The following GALNT2 variants were observed in gnomAD, a reference collection of about 807,000 sequenced individuals.
The protein encoded by GALNT2 is UDP-GalNAc:polypeptide N-acetylgalactosaminyltransferase 2.
Under a neutral mutation model 81.4 loss-of-function variants are expected in GALNT2, and 31 were observed. The observed-to-expected ratio is 0.38, with a 90% CI of 0.29 to 0.51. The LOEUF is 0.51. Ranked by LOEUF, GALNT2 falls within the 20% of genes least tolerant of loss-of-function variation. The pLI is 0.87. For synonymous variants in GALNT2, 303 were observed against 287.4 expected (o/e 1.05, Z -0.55); for missense variants, 629 against 765.7 (o/e 0.82, Z 2.11).
chr1:230,076,656 G>A (rs1469907198), intron 1 of GALNT2, among the ~76,000 whole-genome samples: 3 of 152,270 alleles, frequency 2.0e-5, no homozygotes, highest in Middle Eastern at 6.8e-3. Flanking sequence ...GTTGTGGCTG[G>A]TCCTGGTTCT....
Position 230,274,578 on chromosome 1 carries a change from G to T in GALNT2, c.1560+14G>T. The T allele has an allele frequency of 1.2e-6, 2 of 1,613,192 alleles. No homozygotes were observed. The highest frequency in any genetic ancestry group is 1.7e-6 in the Non-Finnish European group (2 of 1,179,620). On this transcript the variant is annotated intron_variant, in intron 15 of 15. Coordinates refer to ENST00000366672, the MANE Select transcript of GALNT2 (RefSeq NM_004481.5). ...GACAGCAGACAGGTACGGCTTGCAG[G>T]CACCCGTGGGTGCCCGTGATTAACC... is the stretch of plus-strand genomic sequence containing the variant.
At chr1:230,117,998 G>A (rs921821179) in intron 1 of GALNT2, among the ~76,000 whole-genome samples, 1 of 152,184 alleles carries the variant, frequency 6.6e-6, no homozygotes, top group African/African-American at 2.4e-5. Flanking sequence ...AATTGTCTGT[G>A]TGCTCCCTGT....
At chr1:230,208,843 G>A (rs1572089138) in intron 3 of GALNT2, among the ~76,000 whole-genome samples, 2 of 152,142 alleles carry the variant, frequency 1.3e-5, no homozygotes, top group South Asian at 2.1e-4. Flanking sequence ...CACCCAGAGC[G>A]AAGATGGAAA....
At chr1:230,118,026 G>C (rs902515858) in intron 1 of GALNT2, among the ~76,000 whole-genome samples, 1 of 152,120 alleles carries the variant, frequency 6.6e-6, no homozygotes, top group Non-Finnish European at 1.5e-5. Flanking sequence ...TCCCAACCCC[G>C]ATAACCACTG....
chr1:230,249,187 T>G lies in GALNT2; in HGVS notation c.821T>G (p.Phe274Cys), dbSNP rs756448084. 1 of 1,614,120 alleles carries G rather than the reference T, an allele frequency of 6.2e-7. No individual in the cohort carries two copies. Among genetic ancestry groups the G allele is most frequent in the South Asian group, 1.1e-5 (1 of 91,078 alleles). The change falls in exon 9 of 16, where the codon TTT becomes TGT. Residue 274 changes from phenylalanine to cysteine, a missense_variant. Phe to Cys is a radical substitution (Grantham distance 205). Around this residue, in one of 3 missense-constraint regions of GALNT2, gnomAD observed 360 missense variants for 492.8 expected, o/e 0.73. Coordinates refer to ENST00000366672, the MANE Select transcript of GALNT2 (RefSeq NM_004481.5). ...VGASADLKGG[F>C]DWNLVFKWDY... ...TGTTTCTTTTCCTGGCTGGCAGGTT[T>G]TGATTGGAACTTGGTATTCAAGTGG...
intron 1 of GALNT2, among the ~76,000 whole-genome samples, chr1:230,069,414 C>T (rs1013837491): frequency 1.1e-4 from 17 of 152,182 alleles, no homozygotes; most frequent in African/African-American, 2.9e-4. Flanking sequence ...TTTCTGTCAA[C>T]GAACCATAAA....
At chr1:230,174,621 G>T (rs1662900046) in intron 1 of GALNT2, among the ~76,000 whole-genome samples, 1 of 152,020 alleles carries the variant, frequency 6.6e-6, no homozygotes, top group South Asian at 2.1e-4. Context: ...TCCTCCTGCT[G>T]CATTGCCAGC....
intron 14 of GALNT2, among the ~76,000 whole-genome samples, chr1:230,269,749 T>C (rs1666122404): frequency 6.6e-6 from 1 of 150,990 alleles, no homozygotes; most frequent in Non-Finnish European, 1.5e-5. Flanking sequence ...AAAAAAAGAT[T>C]AGCCAGTTGT....
Position 230,191,551 on chromosome 1 carries a change from A to T in GALNT2, c.221-11586A>T, listed in dbSNP as rs1204444470. On this transcript the variant is annotated intron_variant, in intron 2 of 15. Coordinates refer to ENST00000366672, the MANE Select transcript of GALNT2 (RefSeq NM_004481.5). Reference sequence around the variant, plus strand: ...GTTGTTTTGAGACAGGGTCTCACCAACCCAGGTTGGAGTGCAGTAGTGCAA... The same window carrying T: ...GTTGTTTTGAGACAGGGTCTCACCATCCCAGGTTGGAGTGCAGTAGTGCAA... Among the ~76,000 whole-genome samples, 4 of 152,160 alleles carry T rather than the reference A, an allele frequency of 2.6e-5. No individual in the cohort carries two copies. In the East Asian group the frequency reaches 7.7e-4, roughly 29 times the overall value.
chr1:230,107,543 G>A (rs1450889646), intron 1 of GALNT2, among the ~76,000 whole-genome samples: 1 of 150,936 alleles, frequency 6.6e-6, no homozygotes, highest in East Asian at 1.9e-4. Context: ...TTGTGCCACT[G>A]TACTCCAACC....
Position 230,255,411 on chromosome 1 carries a change from T to C in GALNT2, c.1136+67T>C, listed in dbSNP as rs1665681558. The C allele has an allele frequency of 3.1e-6, 5 of 1,604,556 alleles. No homozygotes were observed. The Admixed American group carries it at 6.7e-5, about 21-fold the overall frequency. ...CTACCCTGAAAGCAGGACCTGACCT[T>C]GGGCTGTTTGAGGACAGATGTCCTT... On this transcript the variant is annotated intron_variant, in intron 11 of 15. Coordinates refer to ENST00000366672, the MANE Select transcript of GALNT2 (RefSeq NM_004481.5).
At chr1:230,132,841 T>A (rs1207184221) in intron 1 of GALNT2, among the ~76,000 whole-genome samples, 2 of 152,234 alleles carry the variant, frequency 1.3e-5, no homozygotes, top group Non-Finnish European at 2.9e-5. Context: ...TGGAATTGTG[T>A]TTCTTGAGCG....
chr1:230,132,469 G>C (rs1661398836), intron 1 of GALNT2, among the ~76,000 whole-genome samples: 1 of 152,160 alleles, frequency 6.6e-6, no homozygotes, highest in South Asian at 2.1e-4. Flanking sequence ...GCCCGCAGAG[G>C]CTGAGTCCTG....
chr1:230,138,643 A>C (rs1304252189), intron 1 of GALNT2, among the ~76,000 whole-genome samples: 1 of 152,144 alleles, frequency 6.6e-6, no homozygotes, highest in Non-Finnish European at 1.5e-5. Flanking sequence ...ATGCTAAATA[A>C]GAGGTGGGCT....
intron 1 of GALNT2, among the ~76,000 whole-genome samples, chr1:230,123,391 G>A (rs1661079887): frequency 6.6e-6 from 1 of 152,208 alleles, no homozygotes; most frequent in African/African-American, 2.4e-5. Context: ...ACAGCATCAT[G>A]GGAATACCAA....
intron 1 of GALNT2, among the ~76,000 whole-genome samples, chr1:230,141,221 A>G (rs1293963299): frequency 3.3e-5 from 5 of 152,182 alleles, no homozygotes; most frequent in Non-Finnish European, 7.3e-5. Context: ...GAAAGGAGAG[A>G]TCCTGCCCAT....
rs560422346 is a variant in GALNT2 at position 230,235,350 on chromosome 1, C to T, written c.375-664C>T. Among the ~76,000 whole-genome samples, 5 of 152,120 alleles carry T rather than the reference C, an allele frequency of 3.3e-5. No homozygotes were observed. In the East Asian group the frequency reaches 7.7e-4, roughly 23 times the overall value. ...TCTGGCCTCTGAATCAGCTTCTGTG[C>T]AGAGGTGATCCCAGGGTTCTTCCCT... On this transcript the variant is annotated intron_variant, in intron 3 of 15. Coordinates refer to ENST00000366672, the MANE Select transcript of GALNT2 (RefSeq NM_004481.5).
intron 1 of GALNT2, among the ~76,000 whole-genome samples, chr1:230,135,317 T>C (rs1661502237): frequency 6.6e-6 from 1 of 152,180 alleles, no homozygotes; most frequent in African/African-American, 2.4e-5. Flanking sequence ...AGAATCTTCA[T>C]TTTGGGCCGA....
chr1:230,261,638 G>T (rs1323365695), intron 11 of GALNT2, among the ~76,000 whole-genome samples: 1 of 152,240 alleles, frequency 6.6e-6, no homozygotes, highest in Admixed American at 6.5e-5. Flanking sequence ...AGACATTCAA[G>T]AGTAGCTTGT....
Sources: gnomAD v4.1 joint callset for allele counts (sites outside exome capture counted in the v4.1 genomes callset) on GRCh38, gnomAD v4.1.1 for gene constraint, gnomAD v4.1.1 regional missense constraint, MANE v1.5 for transcripts, NCBI Gene and HGNC (gene_info 2026-07-23, HGNC 2026-07-21) for gene names.